ZNF365: variants seen among roughly 807,000 people sequenced by gnomAD.
ZNF365 encodes the protein zinc finger protein 365.
A neutral mutation model predicts 35.0 loss-of-function variants in ZNF365; 22 were observed. The observed-to-expected ratio is 0.63, with a 90% CI of 0.45 to 0.90. The LOEUF (loss-of-function observed/expected upper bound fraction) is 0.90. Among genes scored for constraint, ZNF365 ranks in the 40% least tolerant of loss-of-function variants. The probability of loss-of-function intolerance (pLI) is 0.00; values close to 1 mark genes in which losing one functional copy is unlikely to be tolerated. For missense variants in ZNF365, 448 were observed against 500.3 expected (o/e 0.90, Z 1.00); for synonymous variants, 188 against 196.2 (o/e 0.96, Z 0.35).
intron 3 of ZNF365, among the ~76,000 whole-genome samples, chr10:62,414,997 C>T (rs1252051434): frequency 3.9e-5 from 6 of 152,140 alleles, no homozygotes; most frequent in Non-Finnish European, 8.8e-5. Flanking sequence ...TCAGATGTTA[C>T]ATTTTTAAAA....
chr10:62,382,703 G>A (rs936212115), intron 2 of ZNF365, among the ~76,000 whole-genome samples: 2 of 152,260 alleles, frequency 1.3e-5, no homozygotes, highest in Middle Eastern at 3.4e-3. Flanking sequence ...CTGTGGTGCC[G>A]GAAAGAGAGC....
intron 3 of ZNF365, among the ~76,000 whole-genome samples, chr10:62,416,423 T>C (rs1285186653): frequency 6.6e-6 from 1 of 152,140 alleles, no homozygotes; most frequent in African/African-American, 2.4e-5. Context: ...TGTGAAATGT[T>C]CCCATGTTTT....
At position 62,477,881 on chromosome 10, in the gene ZNF365, G is replaced by A. The variant is rs74158925; in HGVS notation, c.982-1995G>A. 3.4e-3 allele frequency among the ~76,000 whole-genome samples: 519 copies of A among 152,266 alleles called. 1 individual carries two copies. The highest frequency in any genetic ancestry group is 0.011 in the African/African-American group (454 of 41,546). The stretch of plus-strand genomic sequence containing the variant: ...TGGCTACTCTTGAATTCAATGTGGG[G>A]TGGTGTTTATAATCTTACAACAGGT... On this transcript the variant is annotated intron_variant, in intron 4 of 4. Coordinates refer to the ZNF365 transcript ENST00000395255.
chr10:62,421,062 G>A (rs1292458697), intron 3 of ZNF365, among the ~76,000 whole-genome samples: 1 of 151,854 alleles, frequency 6.6e-6, no homozygotes, highest in Admixed American at 6.6e-5. Flanking sequence ...ATAGAAATGT[G>A]GCCTACTTGG....
intron 3 of ZNF365, among the ~76,000 whole-genome samples, chr10:62,443,879 C>T (rs920689878): frequency 6.6e-5 from 10 of 152,142 alleles, no homozygotes; most frequent in African/African-American, 1.9e-4. Context: ...TAAGCCAGGC[C>T]TCTCCACTGT....
At chr10:62,433,655 A>G (rs183698586) in intron 3 of ZNF365, among the ~76,000 whole-genome samples, 16 of 152,334 alleles carry the variant, frequency 1.1e-4, no homozygotes, top group African/African-American at 3.8e-4. Context: ...CAGAGCTCCA[A>G]GTCAGGTTGA....
intron 3 of ZNF365, among the ~76,000 whole-genome samples, chr10:62,434,854 A>G (rs1221533694): frequency 1.3e-5 from 2 of 152,212 alleles, no homozygotes; most frequent in African/African-American, 2.4e-5. Context: ...CATCAATCAT[A>G]CATTTCTTCT....
At chr10:62,478,425 C>G (rs1841166979) in intron 4 of ZNF365, among the ~76,000 whole-genome samples, 3 of 152,192 alleles carry the variant, frequency 2.0e-5, no homozygotes, top group African/African-American at 7.2e-5. Context: ...TTGCTCTATC[C>G]TATGGGAAGT....
intron 3 of ZNF365, among the ~76,000 whole-genome samples, chr10:62,448,188 C>T (rs1840621250): frequency 6.6e-6 from 1 of 152,182 alleles, no homozygotes; most frequent in African/African-American, 2.4e-5. Context: ...TATTTGTTTA[C>T]AGTGGGCTTT....
intron 4 of ZNF365, among the ~76,000 whole-genome samples, chr10:62,466,033 G>T (rs1215557220): frequency 2.0e-5 from 3 of 152,170 alleles, no homozygotes; most frequent in African/African-American, 7.2e-5. Flanking sequence ...TGGGGCAGTG[G>T]GACTAACACA....
intron 3 of ZNF365, among the ~76,000 whole-genome samples, chr10:62,422,003 C>T (rs1840176754): frequency 6.6e-6 from 1 of 152,184 alleles, no homozygotes; most frequent in African/African-American, 2.4e-5. Flanking sequence ...CATATATCTT[C>T]ATTGTCTTAG....
Position 62,400,620 on chromosome 10 carries a change from A to T in ZNF365, c.*831A>T, listed in dbSNP as rs567622550. 5.1e-6 allele frequency: 5 copies of T among 985,850 alleles called. No individual in the cohort carries two copies. The East Asian group carries it at 3.4e-4, about 66-fold the overall frequency. 61.1% of individuals were successfully genotyped at this position (985,850 alleles called of 1,614,324 possible). A position where few individuals can be genotyped will look rare whatever the true frequency, so the allele number is the denominator to read the frequency against. On this transcript the variant is annotated 3_prime_UTR_variant, in exon 5 of 5. Transcript: ENST00000395254. ...GCTGGGTGGCTAGGTGGTTGGAATG[A>T]CAGTGGACTGCACGCTTGGTGCATC...
At chr10:62,382,714 G>A (rs921549049) in intron 2 of ZNF365, among the ~76,000 whole-genome samples, 4 of 152,186 alleles carry the variant, frequency 2.6e-5, no homozygotes, top group African/African-American at 9.7e-5. Flanking sequence ...GAAAGAGAGC[G>A]CAGGAGCCGA....
intron 2 of ZNF365, among the ~76,000 whole-genome samples, chr10:62,380,383 T>G (rs891744706): frequency 1.3e-5 from 2 of 152,256 alleles, no homozygotes; most frequent in African/African-American, 4.8e-5. Flanking sequence ...AACATTTTCT[T>G]TAGCTTACTT....
chr10:62,432,133 G>T (rs1008744838), intron 3 of ZNF365, among the ~76,000 whole-genome samples: 2 of 152,148 alleles, frequency 1.3e-5, no homozygotes, highest in Non-Finnish European at 2.9e-5. Context: ...CAGCAGTATT[G>T]TTCATGAGTG....
At chr10:62,392,879 G>A (rs572779642) in intron 3 of ZNF365, among the ~76,000 whole-genome samples, 9 of 152,266 alleles carry the variant, frequency 5.9e-5, no homozygotes, top group East Asian at 1.9e-4. Flanking sequence ...TGATCCGCCC[G>A]CCTCGGCCTC....
intron 4 of ZNF365, among the ~76,000 whole-genome samples, chr10:62,466,618 T>A (rs1178531349): frequency 6.6e-6 from 1 of 152,108 alleles, no homozygotes; most frequent in Non-Finnish European, 1.5e-5. Flanking sequence ...GTGACAATGG[T>A]GCATTTGGTG....
At chr10:62,467,971 A>G (rs1053596940) in intron 4 of ZNF365, among the ~76,000 whole-genome samples, 3 of 152,184 alleles carry the variant, frequency 2.0e-5, no homozygotes, top group Admixed American at 2.0e-4. Context: ...CATTATTCTC[A>G]AAAAGATGAA....
intron 3 of ZNF365, among the ~76,000 whole-genome samples, chr10:62,414,554 C>T (rs1013259929): frequency 2.6e-5 from 4 of 152,068 alleles, no homozygotes; most frequent in Non-Finnish European, 5.9e-5. Context: ...TTCTGAAATA[C>T]TCTGCCAATT....
Sources: gnomAD v4.1 joint callset for allele counts (sites outside exome capture counted in the v4.1 genomes callset) on GRCh38, gnomAD v4.1.1 for gene constraint, MANE v1.5 for transcripts, NCBI Gene and HGNC (gene_info 2026-07-23, HGNC 2026-07-21) for gene names.